The following TNRC6B variants were observed in gnomAD, a reference collection of about 807,000 sequenced individuals.
The protein encoded by TNRC6B is trinucleotide repeat-containing gene 6B protein.
A neutral mutation model predicts 203.6 loss-of-function variants in TNRC6B; 52 were observed. The observed-to-expected ratio is 0.26, with a 90% confidence interval of 0.20 to 0.32. The LOEUF (loss-of-function observed/expected upper bound fraction) is 0.32. TNRC6B is among the 10% of genes least tolerant of loss of function. The pLI is 1.00. For synonymous variants in TNRC6B, 838 were observed against 845.7 expected, an observed-to-expected ratio of 0.99 and a Z score of 0.16; for missense variants, 1,923 against 2,286.2, an observed-to-expected ratio of 0.84 and a Z score of 3.24.
At chr22:40,174,994 G>C (rs1285854644), upstream of TNRC6B, among the ~76,000 whole-genome samples, 3 of 152,094 alleles carry the variant, frequency 2.0e-5, no homozygotes, top group Non-Finnish European at 4.4e-5. Flanking sequence ...GTTTGTTTTA[G>C]ATAAACGATT....
intron 6 of TNRC6B, among the ~76,000 whole-genome samples, chr22:40,271,168 G>A (rs1293586156): frequency 1.3e-5 from 2 of 152,212 alleles, no homozygotes; most frequent in Non-Finnish European, 2.9e-5. Flanking sequence ...ACAGTAATGA[G>A]CAGAACTCTG....
intron 1 of TNRC6B, among the ~76,000 whole-genome samples, chr22:40,113,949 G>A (rs1436898051): frequency 6.6e-6 from 1 of 152,046 alleles, no homozygotes; most frequent in Non-Finnish European, 1.5e-5. Context: ...AGTTATTTGC[G>A]ACTCAATTAA....
At chr22:40,277,419 A>C (rs1407804760) in intron 8 of TNRC6B, among the ~76,000 whole-genome samples, 1 of 152,212 alleles carries the variant, frequency 6.6e-6, no homozygotes, top group African/African-American at 2.4e-5. Flanking sequence ...TTAAAAATTT[A>C]TACAATTGTT....
At chr22:40,092,393 C>T (rs1475457277) in intron 1 of TNRC6B, among the ~76,000 whole-genome samples, 2 of 148,408 alleles carry the variant, frequency 1.3e-5, no homozygotes, top group African/African-American at 5.0e-5. Context: ...CAGAGCAAGA[C>T]TCTGTCTCAA....
At chr22:40,187,186 C>T (rs1412523440) in intron 1 of TNRC6B, among the ~76,000 whole-genome samples, 2 of 152,118 alleles carry the variant, frequency 1.3e-5, no homozygotes, top group African/African-American at 2.4e-5. Flanking sequence ...GAGGGTTATG[C>T]GAAGTAAAAT....
Position 40,323,943 on chromosome 22 carries a change from C to T in TNRC6B, c.*702C>T, listed in dbSNP as rs1168286588. On this transcript the variant is annotated 3_prime_UTR_variant, in exon 23 of 23. Coordinates refer to ENST00000454349, the MANE Select transcript of TNRC6B (RefSeq NM_001162501.2). The stretch of plus-strand genomic sequence containing the variant: ...TCCTTCTCTGTCTCTGTGTGTGTGC[C>T]TGTGTTCTTCCCTTCTCCCCTGCCC... 6.6e-6 allele frequency: 1 copy of T among 152,422 alleles called. No individual in the cohort carries two copies. The highest frequency in any genetic ancestry group is 2.4e-5 in the African/African-American group (1 of 41,412). The allele number at this position is 152,422 out of a possible 1,614,324, so 9.4% of individuals were successfully genotyped here.
At position 40,100,042 on chromosome 22, in the gene TNRC6B, C is replaced by T. The variant is rs571526474; in HGVS notation, c.-120-17013C>T. ...CTGGGATTACAGACGTGGGCCACTGCGCCTGGCCCCTCCATTTTATTTTTA... is the reference window on the plus strand; with the variant it reads ...CTGGGATTACAGACGTGGGCCACTGTGCCTGGCCCCTCCATTTTATTTTTA... On this transcript the variant is annotated intron_variant, in intron 1 of 23. Transcript: ENST00000301923. Among the ~76,000 whole-genome samples the T allele has an allele frequency of 1.2e-4, 18 of 150,882 alleles. No homozygotes were observed. The East Asian group carries it at 2.4e-3, about 20-fold the overall frequency.
chr22:40,051,331 A>G (rs1458771425), intron 1 of TNRC6B, among the ~76,000 whole-genome samples: 1 of 152,206 alleles, frequency 6.6e-6, no homozygotes, highest in Non-Finnish European at 1.5e-5. Flanking sequence ...ACTAAGTCCC[A>G]CAAGTATTGC....
At position 40,323,701 on chromosome 22, in the gene TNRC6B, G is replaced by A. The variant is rs2071368788; in HGVS notation, c.*460G>A. 7.3e-6 allele frequency: 1 copy of A among 136,412 alleles called. No homozygotes were observed. Among genetic ancestry groups the A allele is most frequent in the Non-Finnish European group, 1.6e-5 (1 of 63,984 alleles). The allele number at this position is 136,412 out of a possible 1,614,324, so 8.5% of individuals were successfully genotyped here. A position where few individuals can be genotyped will look rare whatever the true frequency, so the allele number is the denominator to read the frequency against. On this transcript the variant is annotated 3_prime_UTR_variant, in exon 23 of 23. Transcript: ENST00000454349. ...TCCTTAGGTCTACCATGTTTGGGAG[G>A]GAGGGAAATTCAAAAGAATTGTTGG...
chr22:40,119,499 G>A (rs1472976519), intron 2 of TNRC6B, among the ~76,000 whole-genome samples: 3 of 152,146 alleles, frequency 2.0e-5, no homozygotes, highest in Non-Finnish European at 2.9e-5. Context: ...CAGGAGAATC[G>A]CTTGAACCTG....
chr22:40,274,082 A>G (rs2070604062), intron 7 of TNRC6B, among the ~76,000 whole-genome samples: 1 of 152,184 alleles, frequency 6.6e-6, no homozygotes, highest in African/African-American at 2.4e-5. Flanking sequence ...TGACCTTGAA[A>G]CCTTGAACTA....
chr22:40,299,144 CAA>C (rs1252985941), intron 12 of TNRC6B, among the ~76,000 whole-genome samples: 4 of 43,930 alleles, frequency 9.1e-5, no homozygotes, highest in Non-Finnish European at 9.8e-5. Context: ...GACCCTGTCT[CAA>C]AAAAAAAAAA....
At chr22:40,229,043 G>A (rs995486922) in intron 1 of TNRC6B, among the ~76,000 whole-genome samples, 2 of 152,228 alleles carry the variant, frequency 1.3e-5, no homozygotes, top group African/African-American at 2.4e-5. Context: ...AAGCAAAACC[G>A]TAAGAATGGT....
intron 1 of TNRC6B, among the ~76,000 whole-genome samples, chr22:40,094,123 A>G (rs910367859): frequency 6.6e-6 from 1 of 152,200 alleles, no homozygotes; most frequent in Admixed American, 6.5e-5. Flanking sequence ...AATTTTAAAA[A>G]CAGGATGACA....
chr22:40,075,564 C>T (rs935533420), intron 1 of TNRC6B, among the ~76,000 whole-genome samples: 4 of 151,768 alleles, frequency 2.6e-5, no homozygotes, highest in Middle Eastern at 3.2e-3. Context: ...TTTTTAAAGT[C>T]CAATCTTACC....
chr22:40,238,086 CT>C (rs1323906045), intron 1 of TNRC6B, among the ~76,000 whole-genome samples: 1 of 152,168 alleles, frequency 6.6e-6, no homozygotes, highest in African/African-American at 2.4e-5. Flanking sequence ...GTTGCTCACT[CT>C]TTAATGATGC....
Position 40,315,473 on chromosome 22 carries a change from G to T in TNRC6B, c.4869G>T (p.Arg1623Ser). Residue 1623 changes from arginine (R) to serine (S), a missense_variant, in exon 20 of 23, where the codon AGG becomes AGT. Around this residue, in one of 8 missense-constraint regions of TNRC6B, gnomAD observed 159 missense variants for 181.0 expected, o/e 0.88. Transcript: ENST00000454349. Reference sequence around the variant, plus strand: ...GCAGCACAGCACCCCGATCAGTCAGGGGGTGGGGGACACAGGACTCACGGC... The same window carrying T: ...GCAGCACAGCACCCCGATCAGTCAGTGGGTGGGGGACACAGGACTCACGGC... ...PWSSTAPRSV[R>S]GWGTQDSRLA... is the part of the protein sequence containing the mutation. 2 of 1,614,024 alleles carry T rather than the reference G, an allele frequency of 1.2e-6. No individual in the cohort carries two copies. The highest frequency in any genetic ancestry group is 1.6e-4 in the Middle Eastern group (1 of 6,062).
chr22:40,265,210 C>T lies in TNRC6B; in HGVS notation c.980C>T (p.Thr327Ile), dbSNP rs184763360. Reference protein sequence around the residue: ...EGTSRKGALETDNSNSSAQVS... With the variant: ...EGTSRKGALEIDNSNSSAQVS... ...ACTTCTAGGAAAGGGGCATTGGAAA[C>T]AGATAATAGTAATTCCAGTGCACAG... The change falls in exon 5 of 23, where the codon ACA becomes ATA. Residue 327 changes from threonine (T) to isoleucine (I), a missense_variant. This residue lies in a region of TNRC6B where 614 missense variants were observed against 587.7 expected (regional missense o/e 1.04). Transcript: ENST00000454349. The T allele has an allele frequency of 8.4e-5, 135 of 1,613,988 alleles. 1 individual carries two copies. Among genetic ancestry groups the T allele is most frequent in the Non-Finnish European group, 1.7e-6 (2 of 1,179,894 alleles).
intron 1 of TNRC6B, among the ~76,000 whole-genome samples, chr22:40,053,174 A>G (rs549952914): frequency 6.6e-6 from 1 of 152,098 alleles, no homozygotes; most frequent in Admixed American, 6.5e-5. Context: ...AAAAAAAAAA[A>G]AAAACTATGT....
Sources: gnomAD v4.1 joint callset for allele counts (sites outside exome capture counted in the v4.1 genomes callset) on GRCh38, gnomAD v4.1.1 for gene constraint, gnomAD v4.1.1 regional missense constraint, MANE v1.5 for transcripts, NCBI Gene and HGNC (gene_info 2026-07-23, HGNC 2026-07-21) for gene names.